SFXN1: variants seen among roughly 807,000 people sequenced by gnomAD.
The protein encoded by SFXN1 is sideroflexin-1.
Under a neutral mutation model 39.5 loss-of-function variants are expected in SFXN1, and 32 were observed. That is an observed-to-expected ratio of 0.81 (90% confidence interval 0.61 to 1.09). SFXN1 has a LOEUF of 1.09. Among genes scored for constraint, SFXN1 ranks in the 50% least tolerant of loss-of-function variants. The probability of loss-of-function intolerance (pLI) is 0.00; values close to 1 mark genes in which losing one functional copy is unlikely to be tolerated. For missense variants in SFXN1, 402 were observed against 407.1 expected, an observed-to-expected ratio of 0.99 and a Z score of 0.11; for synonymous variants, 136 against 146.5, an observed-to-expected ratio of 0.93 and a Z score of 0.52.
chr5:175,489,919 G>T (rs1759596235), intron 1 of SFXN1, among the ~76,000 whole-genome samples: 1 of 152,170 alleles, frequency 6.6e-6, no homozygotes, highest in African/African-American at 2.4e-5. Context: ...GGCCCAGGTG[G>T]ACTGTGATGT....
At position 175,511,437 on chromosome 5, in the gene SFXN1, T is replaced by G. The variant is rs143270066; in HGVS notation, c.435-14T>G. The stretch of plus-strand genomic sequence containing the variant: ...TGCCCTCGTCGTCCACACGATATCC[T>G]TTTTTCTTTTCAGTGAGTTGGGAAC... On this transcript the variant is annotated splice_polypyrimidine_tract_variant and intron_variant, in intron 4 of 10. Coordinates refer to ENST00000321442, the MANE Select transcript of SFXN1 (RefSeq NM_022754.7). 1 of 1,611,500 alleles carries G rather than the reference T, an allele frequency of 6.2e-7. No individual in the cohort carries two copies. The highest frequency in any genetic ancestry group is 1.1e-5 in the South Asian group (1 of 90,952).
chr5:175,486,449 A>G (rs775842661), intron 1 of SFXN1, among the ~76,000 whole-genome samples: 12 of 152,174 alleles, frequency 7.9e-5, no homozygotes, highest in Non-Finnish European at 1.8e-4. Flanking sequence ...ATACATGATA[A>G]TACTTATATT....
At position 175,527,905 on chromosome 5, in the gene SFXN1, T is replaced by G. The variant is rs1195700382; in HGVS notation, c.*1171T>G. ...CTATATCTGTGAATTCAACCAAGTT[T>G]GGATGGAAAATTTTTTTTTTTTTTT... On this transcript the variant is annotated 3_prime_UTR_variant, in exon 11 of 11. Coordinates refer to ENST00000321442, the MANE Select transcript of SFXN1 (RefSeq NM_022754.7). The G allele has an allele frequency of 1.3e-5, 2 of 151,016 alleles. No individual in the cohort carries two copies. Among genetic ancestry groups the G allele is most frequent in the African/African-American group, 2.5e-5 (1 of 40,572 alleles). The allele number at this position is 151,016 out of a possible 1,614,324, so 9.4% of individuals were successfully genotyped here.
intron 1 of SFXN1, among the ~76,000 whole-genome samples, chr5:175,481,662 A>T (rs1759255704): frequency 6.6e-6 from 1 of 152,164 alleles, no homozygotes; most frequent in African/African-American, 2.4e-5. Context: ...ATGGGAGGGG[A>T]GAACATGGCA....
rs185119704 is a variant in SFXN1, at chr5:175,493,125, C to T, written c.164+858C>T. ...AAAATTAGCCAGGCATGGTGGCGGG[C>T]GCCTGTAGTCCCAGCTACTCGGGAG... On this transcript the variant is annotated intron_variant, in intron 2 of 10. Transcript: ENST00000321442. Among the ~76,000 whole-genome samples, 284 of 152,048 alleles carry T rather than the reference C, an allele frequency of 1.9e-3. 1 individual carries two copies. The highest frequency in any genetic ancestry group is 6.4e-3 in the African/African-American group (266 of 41,496).
chr5:175,480,304 G>A (rs1050262036), intron 1 of SFXN1, among the ~76,000 whole-genome samples: 8 of 152,246 alleles, frequency 5.3e-5, no homozygotes, highest in Non-Finnish European at 7.3e-5. Flanking sequence ...GGGAGGCTGA[G>A]GCAGGAGAAT....
Position 175,529,427 on chromosome 5 carries a change from T to A in SFXN1, c.*2693T>A, listed in dbSNP as rs1214166659. ...GTTTTTTGATGCTTCAGACTCTTAA[T>A]GCTTTTATATAAAGCTATCAACTGT... On this transcript the variant is annotated 3_prime_UTR_variant, in exon 11 of 11. Coordinates refer to ENST00000321442, the MANE Select transcript of SFXN1 (RefSeq NM_022754.7). 1 of 152,166 alleles carries A rather than the reference T, an allele frequency of 6.6e-6. No individual in the cohort carries two copies. The highest frequency in any genetic ancestry group is 2.4e-5 in the African/African-American group (1 of 41,420). 9.4% of individuals were successfully genotyped at this position (152,166 alleles called of 1,614,324 possible). A position where few individuals can be genotyped will look rare whatever the true frequency, so the allele number is the denominator to read the frequency against.
intron 2 of SFXN1, among the ~76,000 whole-genome samples, chr5:175,501,804 A>G (rs1436723613): frequency 6.6e-6 from 1 of 152,180 alleles, no homozygotes; most frequent in Admixed American, 6.5e-5. Flanking sequence ...TTCACCTACT[A>G]GACTTTGTAA....
chr5:175,497,664 C>T (rs1046488612), intron 2 of SFXN1, among the ~76,000 whole-genome samples: 3 of 152,120 alleles, frequency 2.0e-5, no homozygotes, highest in African/African-American at 4.8e-5. Flanking sequence ...CGCAGTGACT[C>T]ACACCTGTAA....
chr5:175,497,199 T>C (rs1208619679), intron 2 of SFXN1, among the ~76,000 whole-genome samples: 1 of 152,162 alleles, frequency 6.6e-6, no homozygotes, highest in Non-Finnish European at 1.5e-5. Context: ...TATATACTTT[T>C]ATATATATAA....
At chr5:175,484,424 AC>A (rs1483269353) in intron 1 of SFXN1, among the ~76,000 whole-genome samples, 15 of 152,094 alleles carry the variant, frequency 9.9e-5, no homozygotes, top group Non-Finnish European at 1.5e-5. Flanking sequence ...GGCCCTCCTG[AC>A]CCGTCAGTAC....
chr5:175,507,943 A>G (rs550248356), intron 2 of SFXN1, among the ~76,000 whole-genome samples: 1 of 150,282 alleles, frequency 6.7e-6, no homozygotes, highest in Non-Finnish European at 1.5e-5. Context: ...ATTGCACTCC[A>G]GCCTGGGTGA....
intron 7 of SFXN1, among the ~76,000 whole-genome samples, chr5:175,514,504 A>C (rs185622224): frequency 3.9e-5 from 6 of 152,332 alleles, no homozygotes; most frequent in East Asian, 1.9e-4. Flanking sequence ...CAGAAAAAAA[A>C]CAGAAATTAG....
chr5:175,513,443 GTA>G lies in SFXN1; in HGVS notation c.597-18_597-17del, dbSNP rs1760598562. 3 of 1,609,468 alleles carry G rather than the reference GTA, an allele frequency of 1.9e-6. No homozygotes were observed. Among genetic ancestry groups the G allele is most frequent in the Non-Finnish European group, 2.5e-6 (3 of 1,177,058 alleles). ...ATTGAAGGCATTGGTGGAGCTCTCT[GTA>G]TGTGTTTTGCTCTGCAGGGAACTCA... On this transcript the variant is annotated intron_variant, in intron 6 of 10. Coordinates refer to ENST00000321442, the MANE Select transcript of SFXN1 (RefSeq NM_022754.7).
In SFXN1 at chr5:175,492,077, C is replaced by T. The variant is rs1175725483; in HGVS notation, c.-9-18C>T. The T allele has an allele frequency of 6.3e-7, 1 of 1,588,746 alleles. No homozygotes were observed. The highest frequency in any genetic ancestry group is 8.5e-7 in the Non-Finnish European group (1 of 1,169,628). Reference sequence around the variant, plus strand: ...CATTGTAAGCCTTACACGAACTTGCCTTTTTGACTCTTTGCAGTCCGGGAC... The same window carrying T: ...CATTGTAAGCCTTACACGAACTTGCTTTTTTGACTCTTTGCAGTCCGGGAC... On this transcript the variant is annotated intron_variant, in intron 1 of 10. Coordinates refer to ENST00000321442, the MANE Select transcript of SFXN1 (RefSeq NM_022754.7).
chr5:175,483,839 G>A (rs1469620411), intron 1 of SFXN1: 1 of 152,230 alleles, frequency 6.6e-6, no homozygotes, highest in African/African-American at 2.4e-5. Flanking sequence ...AAAGCCTCAG[G>A]TGAACAGGGC....
intron 1 of SFXN1, among the ~76,000 whole-genome samples, chr5:175,480,857 C>T (rs1333443302): frequency 6.6e-6 from 1 of 152,094 alleles, no homozygotes; most frequent in African/African-American, 2.4e-5. Flanking sequence ...ATGAGTGTGA[C>T]CAATTTTTCC....
chr5:175,493,829 G>T (rs1002226223), intron 2 of SFXN1, among the ~76,000 whole-genome samples: 1 of 151,830 alleles, frequency 6.6e-6, no homozygotes, highest in Non-Finnish European at 1.5e-5. Context: ...AACTTTTTCC[G>T]TAAAGGGCCA....
At chr5:175,493,533 G>A (rs535126610) in intron 2 of SFXN1, among the ~76,000 whole-genome samples, 6 of 152,238 alleles carry the variant, frequency 3.9e-5, no homozygotes, top group African/African-American at 1.2e-4. Flanking sequence ...TACACAAACA[G>A]CAGATAAACG....
Sources: gnomAD v4.1 joint callset for allele counts (sites outside exome capture counted in the v4.1 genomes callset) on GRCh38, gnomAD v4.1.1 for gene constraint, MANE v1.5 for transcripts, NCBI Gene and HGNC (gene_info 2026-07-23, HGNC 2026-07-21) for gene names.